Variants in DNAH14 observed in about 807,000 individuals in gnomAD.
DNAH14 encodes dynein axonemal heavy chain 14.
A neutral mutation model predicts 520.9 loss-of-function variants in DNAH14; 478 were observed. That is an observed-to-expected ratio of 0.92 (90% confidence interval 0.85 to 0.99). The LOEUF (loss-of-function observed/expected upper bound fraction) is 0.99. Among genes scored for constraint, DNAH14 ranks in the 50% least tolerant of loss-of-function variants. The pLI, the probability that DNAH14 is intolerant of heterozygous loss-of-function variation, is 0.00. For synonymous variants in DNAH14, 1,581 were observed against 1,757.2 expected (o/e 0.90, Z 2.51); for missense variants, 4,831 against 5,234.5 (o/e 0.92, Z 2.38).
intron 1 of DNAH14, among the ~76,000 whole-genome samples, chr1:224,934,869 A>G (rs532464049): frequency 1.6e-4 from 24 of 152,084 alleles, no homozygotes; most frequent in African/African-American, 5.5e-4. Context: ...AATGAATGAT[A>G]TATTCAAAAT....
intron 37 of DNAH14, 141 bp from the exon 38 acceptor site, chr1:225,192,555 C>T: frequency 1.8e-6 from 1 of 559,704 alleles, no homozygotes; most frequent in Non-Finnish European, 3.1e-6. Context: ...TTTACTGTTC[C>T]TTGCAACTTG....
chr1:225,325,791 G>A lies in DNAH14; in HGVS notation c.9723+959G>A, dbSNP rs1043460851. On this transcript the variant is annotated intron_variant, in intron 64 of 85. Transcript: ENST00000682510. The stretch of plus-strand genomic sequence containing the variant: ...GATATAATCAACATTTTAAAATTTC[G>A]GGATTTTACTTAATATCTGATTTTC... Among the ~76,000 whole-genome samples the A allele has an allele frequency of 7.9e-5, 12 of 151,362 alleles. No homozygotes were observed. The South Asian group carries it at 8.3e-4, about 11-fold the overall frequency.
chr1:225,020,509 AAAAAAAAC>A (rs1344738822), intron 10 of DNAH14, among the ~76,000 whole-genome samples: 7 of 148,904 alleles, frequency 4.7e-5, no homozygotes, highest in African/African-American at 1.2e-4. Context: ...AAAAAAAAAA[AAAAAAAAC>A]AACTCAAAGG....
chr1:225,235,912 A>G (rs2091542483), intron 42 of DNAH14, among the ~76,000 whole-genome samples: 1 of 151,970 alleles, frequency 6.6e-6, no homozygotes, highest in Admixed American at 6.6e-5. Context: ...GATTGTGGCT[A>G]TTTGATTCTT....
In DNAH14 at chr1:225,098,595, A is replaced by G. The variant is rs569518839; in HGVS notation, c.3695+1356A>G. 7.9e-5 allele frequency among the ~76,000 whole-genome samples: 12 copies of G among 152,322 alleles called. No homozygotes were observed. In the South Asian group the frequency reaches 1.9e-3, roughly 24 times the overall value. ...AAATTTAAGTATTGCTTTGTGGGGAACAATATCCATTTGTGTTATACATGT... is the reference window on the plus strand; with the variant it reads ...AAATTTAAGTATTGCTTTGTGGGGAGCAATATCCATTTGTGTTATACATGT... On this transcript the variant is annotated intron_variant, in intron 22 of 85. Coordinates refer to ENST00000682510, the MANE Select transcript of DNAH14 (RefSeq NM_001367479.1).
At chr1:224,965,126 G>A (rs1400579253) in intron 5 of DNAH14, among the ~76,000 whole-genome samples, 2 of 152,058 alleles carry the variant, frequency 1.3e-5, no homozygotes, top group Non-Finnish European at 2.9e-5. Context: ...TGACCAGAGG[G>A]TGAAAGCTAT....
At chr1:225,386,557 A>T (rs541966307) in intron 81 of DNAH14, among the ~76,000 whole-genome samples, 1 of 152,262 alleles carries the variant, frequency 6.6e-6, no homozygotes, top group Non-Finnish European at 1.5e-5. Flanking sequence ...TAACCCTATT[A>T]AAAAGTGGGC....
intron 38 of DNAH14, among the ~76,000 whole-genome samples, chr1:225,199,102 TC>T: frequency 6.6e-6 from 1 of 152,174 alleles, no homozygotes; most frequent in East Asian, 1.9e-4. Context: ...TTTATCCATC[TC>T]CTCTAGGTTT....
intron 43 of DNAH14, among the ~76,000 whole-genome samples, chr1:225,241,162 G>C (rs1387573013): frequency 2.0e-5 from 3 of 150,366 alleles, no homozygotes; most frequent in African/African-American, 7.3e-5. Flanking sequence ...TAATATTATA[G>C]TCTTATATTT....
chr1:224,931,617 T>G (rs1174855724), intron 1 of DNAH14, among the ~76,000 whole-genome samples: 1 of 152,208 alleles, frequency 6.6e-6, no homozygotes, highest in Non-Finnish European at 1.5e-5. Context: ...TATCTATTTG[T>G]CCACTCTCTA....
intron 15 of DNAH14, among the ~76,000 whole-genome samples, chr1:225,049,756 A>ATCTG (rs1230299806): frequency 7.7e-5 from 11 of 143,664 alleles, no homozygotes; most frequent in African/African-American, 2.4e-4. Context: ...TTGTTTATCT[A>ATCTG]TCTGTCTATC....
intron 8 of DNAH14, among the ~76,000 whole-genome samples, chr1:224,994,044 T>A (rs948445392): frequency 2.6e-5 from 4 of 152,118 alleles, no homozygotes; most frequent in African/African-American, 9.6e-5. Context: ...TTAGAAAAAA[T>A]AATTGATACT....
chr1:224,971,253 T>C (rs2061486862), intron 7 of DNAH14, among the ~76,000 whole-genome samples: 1 of 152,200 alleles, frequency 6.6e-6, no homozygotes, highest in South Asian at 2.1e-4. Context: ...AATGTCTGCA[T>C]TTTCTTGTGA....
chr1:225,134,288 A>C (rs1284638893), intron 27 of DNAH14, among the ~76,000 whole-genome samples: 1 of 152,172 alleles, frequency 6.6e-6, no homozygotes, highest in African/African-American at 2.4e-5. Flanking sequence ...GAGAGAGGGC[A>C]TCCTTGTTTT....
chr1:225,124,393 A>G (rs1243519676), intron 27 of DNAH14, among the ~76,000 whole-genome samples: 6 of 152,234 alleles, frequency 3.9e-5, no homozygotes, highest in Admixed American at 6.5e-5. Flanking sequence ...ATTGGAGTCA[A>G]TTCTCTCAAA....
chr1:225,005,867 A>G (rs909596111), intron 9 of DNAH14, among the ~76,000 whole-genome samples: 7 of 152,180 alleles, frequency 4.6e-5, no homozygotes, highest in Non-Finnish European at 8.8e-5. Context: ...AATTCATAGC[A>G]TAGTAGATAG....
intron 65 of DNAH14, 76 bp downstream of exon 65, chr1:225,331,653 T>G: frequency 6.5e-7 from 1 of 1,534,170 alleles, no homozygotes; most frequent in Non-Finnish European, 8.8e-7. Flanking sequence ...TTATTTTCAC[T>G]GCAGGCTGTA....
intron 23 of DNAH14, among the ~76,000 whole-genome samples, chr1:225,104,205 T>A (rs1212533584): frequency 6.6e-6 from 1 of 152,224 alleles, no homozygotes; most frequent in African/African-American, 2.4e-5. Context: ...TTCCATATGT[T>A]AAACCAGCCT....
In DNAH14 at chr1:225,097,228, A is replaced by G. The variant is rs1439713820; in HGVS notation, c.3684A>G (p.Ser1228=). 2 of 1,549,996 alleles carry G rather than the reference A, an allele frequency of 1.3e-6. No individual in the cohort carries two copies. Among genetic ancestry groups the G allele is most frequent in the African/African-American group, 1.4e-5 (1 of 72,994 alleles). ...ATCTTGAACCAGTCTTTCATTCTTCAGAAATACGAAGGTAAAATACCTAAA... is the reference window on the plus strand; with the variant it reads ...ATCTTGAACCAGTCTTTCATTCTTCGGAAATACGAAGGTAAAATACCTAAA... ...WLYLEPVFHS[S]EIRRQLPAET... is the part of the protein sequence containing the mutation. Residue 1228 remains serine (S), a synonymous_variant, in exon 22 of 86, where the codon TCA becomes TCG. Transcript: ENST00000682510.
Sources: gnomAD v4.1 joint callset for allele counts (sites outside exome capture counted in the v4.1 genomes callset) on GRCh38, gnomAD v4.1.1 for gene constraint, MANE v1.5 for transcripts, NCBI Gene and HGNC (gene_info 2026-07-23, HGNC 2026-07-21) for gene names.